The following TENM4 variants were observed in gnomAD, a reference collection of about 807,000 sequenced individuals.
TENM4 encodes teneurin-4.
In TENM4, 82 loss-of-function variants were observed where a neutral mutation model predicts 243.3. The observed-to-expected ratio is 0.34, with a 90% CI of 0.28 to 0.40. TENM4 has a LOEUF of 0.40. Ranked by LOEUF, TENM4 falls within the 10% of genes least tolerant of loss-of-function variation. TENM4 has a pLI of 1.00. For synonymous variants in TENM4, 1,412 were observed against 1,456.3 expected (o/e 0.97, Z 0.69); for missense variants, 3,138 against 3,673.3 (o/e 0.85, Z 3.77).
At position 79,194,566 on chromosome 11, in the gene TENM4, G is replaced by A. The variant is rs138570236; in HGVS notation, c.-163+21242C>T. Among the ~76,000 whole-genome samples the A allele has an allele frequency of 6.6e-5, 10 of 152,244 alleles. No homozygotes were observed. In the East Asian group the frequency reaches 1.9e-3, roughly 30 times the overall value. On this transcript the variant is annotated intron_variant, in intron 3 of 33. Coordinates refer to ENST00000278550, the MANE Select transcript of TENM4 (RefSeq NM_001098816.3). ...GCAAAGGTGACTGTTGTTATGTTTT[G>A]GCAAAGACACTGGAATCATATTGCC...
intron 2 of TENM4, among the ~76,000 whole-genome samples, chr11:79,226,448 A>G (rs530102357): frequency 9.2e-5 from 14 of 152,290 alleles, no homozygotes; most frequent in African/African-American, 2.6e-4. Flanking sequence ...CCCTGAAGCA[A>G]TTTACCAGCC....
chr11:79,393,224 G>A (rs1182970623), intron 1 of TENM4, among the ~76,000 whole-genome samples: 7 of 152,034 alleles, frequency 4.6e-5, no homozygotes, highest in Admixed American at 4.6e-4. Flanking sequence ...AATATAAGAG[G>A]AGTCTCAGAG....
chr11:79,189,788 G>C (rs1863443756), intron 3 of TENM4, among the ~76,000 whole-genome samples: 1 of 152,192 alleles, frequency 6.6e-6, no homozygotes, highest in African/African-American at 2.4e-5. Flanking sequence ...TAGAAGAGAG[G>C]CCTGAGAGCG....
chr11:79,184,818 T>C (rs1185408230), intron 3 of TENM4, among the ~76,000 whole-genome samples: 1 of 152,170 alleles, frequency 6.6e-6, no homozygotes, highest in Non-Finnish European at 1.5e-5. Flanking sequence ...TGTGAATGTA[T>C]TTAACGCCCC....
intron 2 of TENM4, among the ~76,000 whole-genome samples, chr11:79,242,076 G>A (rs1855430615): frequency 6.6e-6 from 1 of 152,188 alleles, no homozygotes; most frequent in Non-Finnish European, 1.5e-5. Context: ...TTTCACAGTG[G>A]CTGGTTTTTT....
chr11:79,377,526 C>T (rs537852384), intron 1 of TENM4, among the ~76,000 whole-genome samples: 3 of 152,278 alleles, frequency 2.0e-5, no homozygotes, highest in Admixed American at 6.5e-5. Flanking sequence ...AGTAACAGTT[C>T]GCACCTGCAG....
chr11:79,130,989 T>G lies in TENM4; in HGVS notation c.-66+17721A>C, dbSNP rs374591975. ...TAATCCAACAAAGACAAAGAAAAAA[T>G]AATAAGAAAATATGAACAAAGTCTC... On this transcript the variant is annotated intron_variant, in intron 4 of 33. Transcript: ENST00000278550. Among the ~76,000 whole-genome samples, 242 of 151,500 alleles carry G rather than the reference T, an allele frequency of 1.6e-3. 9 individuals carry two copies. The South Asian group carries it at 0.048, about 30-fold the overall frequency.
intron 6 of TENM4, among the ~76,000 whole-genome samples, chr11:79,035,581 C>T (rs538869228): frequency 6.6e-5 from 10 of 151,958 alleles, no homozygotes; most frequent in African/African-American, 2.2e-4. Context: ...GACAAAATCG[C>T]CCATAATTCC....
At position 78,738,525 on chromosome 11, in the gene TENM4, G is replaced by T. The variant is rs762034170; in HGVS notation, c.2802C>A (p.Thr934=). The change falls in exon 20 of 34, where the codon ACC becomes ACA. Residue 934 remains threonine, a synonymous_variant. Coordinates refer to ENST00000278550, the MANE Select transcript of TENM4 (RefSeq NM_001098816.3). ...IRGQVMTSDG[T]PLVGVNISFV... ...AACTGATGTTCACACCAACCAGGGGGGTTCCATCTGATGTCATCACTTGGC... is the reference window on the plus strand; with the variant it reads ...AACTGATGTTCACACCAACCAGGGGTGTTCCATCTGATGTCATCACTTGGC... 2 of 1,613,820 alleles carry T rather than the reference G, an allele frequency of 1.2e-6. No homozygotes were observed. The highest frequency in any genetic ancestry group is 1.1e-5 in the South Asian group (1 of 91,052).
intron 6 of TENM4, among the ~76,000 whole-genome samples, chr11:78,919,825 T>A (rs1035765770): frequency 2.6e-5 from 4 of 152,132 alleles, no homozygotes; most frequent in African/African-American, 7.2e-5. Flanking sequence ...CGCTGTGCTA[T>A]CAGCCTAGAG....
intron 6 of TENM4, among the ~76,000 whole-genome samples, chr11:79,042,893 C>T (rs184239434): frequency 6.6e-6 from 1 of 152,154 alleles, no homozygotes; most frequent in African/African-American, 2.4e-5. Flanking sequence ...AGGATCATAT[C>T]CTTTCCTAGA....
At position 78,688,044 on chromosome 11, in the gene TENM4, C is replaced by T. The variant is rs968712831; in HGVS notation, c.5260+10G>A. ...CTGCCTCAAAGTCCCCTGGCCCCCA[C>T]CTGACTTACCTTGCAGCAGTGTGTA... On this transcript the variant is annotated intron_variant, in intron 29 of 33. Coordinates refer to ENST00000278550, the MANE Select transcript of TENM4 (RefSeq NM_001098816.3). The T allele has an allele frequency of 1.2e-6, 2 of 1,612,874 alleles. No homozygotes were observed. The highest frequency in any genetic ancestry group is 1.7e-5 in the Admixed American group (1 of 59,944).
chr11:78,738,322 G>A (rs74852164), intron 20 of TENM4, 129 bp downstream of exon 20: 48,683 of 1,260,624 alleles, frequency 0.039, 1,165 homozygotes, highest in South Asian at 0.051. Flanking sequence ...TGCAGAGCTG[G>A]GCATTTGAAT....
chr11:79,341,095 T>C (rs1308850716), intron 1 of TENM4, among the ~76,000 whole-genome samples: 2 of 152,092 alleles, frequency 1.3e-5, no homozygotes, highest in Non-Finnish European at 2.9e-5. Context: ...CTCTAGAAGT[T>C]GACAGAAGTG....
At chr11:78,891,156 G>C (rs750074328) in intron 8 of TENM4, 82 bp downstream of exon 8, 15 of 1,318,864 alleles carry the variant, frequency 1.1e-5, no homozygotes, top group Non-Finnish European at 1.5e-5. Flanking sequence ...GAAGATCCCA[G>C]GGAAAGGTCT....
chr11:79,231,923 T>C (rs1864380691), intron 2 of TENM4, among the ~76,000 whole-genome samples: 1 of 151,988 alleles, frequency 6.6e-6, no homozygotes, highest in Admixed American at 6.6e-5. Context: ...CTACTAAAAA[T>C]AGAAAAATTA....
intron 15 of TENM4, among the ~76,000 whole-genome samples, chr11:78,792,748 G>A (rs895470078): frequency 1.3e-5 from 2 of 152,228 alleles, no homozygotes; most frequent in African/African-American, 4.8e-5. Flanking sequence ...GTTGTACACA[G>A]GTTATTTTGT....
intron 1 of TENM4, among the ~76,000 whole-genome samples, chr11:79,416,189 G>A (rs1188225675): frequency 6.6e-6 from 1 of 152,202 alleles, no homozygotes; most frequent in Non-Finnish European, 1.5e-5. Context: ...ACAAATAGAG[G>A]TGCCTCAAAC....
intron 15 of TENM4, among the ~76,000 whole-genome samples, chr11:78,800,292 C>T (rs1857253988): frequency 6.6e-6 from 1 of 152,158 alleles, no homozygotes; most frequent in Admixed American, 6.5e-5. Flanking sequence ...AGGCATTCAG[C>T]CCAGCAGGCC....
Sources: allele counts gnomAD v4.1 joint callset (sites outside exome capture counted in the v4.1 genomes callset), GRCh38; gene constraint gnomAD v4.1.1; transcripts MANE v1.5; gene names NCBI Gene and HGNC (gene_info 2026-07-23, HGNC 2026-07-21).